The following DHX38 variants were observed in gnomAD, a reference collection of about 807,000 sequenced individuals.
DHX38 encodes the protein pre-mRNA-splicing factor ATP-dependent RNA helicase PRP16.
A neutral mutation model predicts 153.1 loss-of-function variants in DHX38; 100 were observed. The observed-to-expected ratio is 0.65, with a 90% CI of 0.56 to 0.77. The LOEUF is 0.77. Ranked by LOEUF, DHX38 falls within the 30% of genes least tolerant of loss-of-function variation. DHX38 has a pLI of 0.00. For synonymous variants in DHX38, 650 were observed against 631.7 expected, an observed-to-expected ratio of 1.03 and a Z score of -0.43; for missense variants, 1,440 against 1,654.0, an observed-to-expected ratio of 0.87 and a Z score of 2.24.
At chr16:72,105,448 T>G in intron 17 of DHX38, 69 bp from the exon 18 acceptor site, 1 of 1,602,328 alleles carries the variant, frequency 6.2e-7, no homozygotes, top group Non-Finnish European at 8.5e-7. Flanking sequence ...GGAGGTAGGC[T>G]TTTCCCCCTC....
At chr16:72,110,275 T>C (rs9302635) in intron 25 of DHX38, among the ~76,000 whole-genome samples, 46,081 of 152,252 alleles carry the variant, frequency 0.3, 10,841 homozygotes, top group African/African-American at 0.66. Context: ...GTGCACTTGC[T>C]GTAAGCTGGC....
At chr16:72,100,893 C>T (rs1016903632) in intron 9 of DHX38, among the ~76,000 whole-genome samples, 193 bp from the exon 10 acceptor site, 19 of 152,108 alleles carry the variant, frequency 1.2e-4, no homozygotes, top group African/African-American at 2.2e-4. Context: ...CACCACTGCA[C>T]TCCAGTCTGG....
chr16:72,100,710 C>T, intron 9 of DHX38, 113 bp downstream of exon 9: 2 of 1,433,326 alleles, frequency 1.4e-6, no homozygotes, highest in Non-Finnish European at 1.9e-6. Context: ...GAGGGTGGAT[C>T]ATTGGATACC....
rs781584993 is a variant in DHX38, at chr16:72,112,570, C to T, written c.*73C>T. ...CCTTCTGGCGGGAGCCCTGAGGCTG[C>T]GGACAAAGCCCTTTCATCTGAGGAC... On this transcript the variant is annotated 3_prime_UTR_variant, in exon 27 of 27. Coordinates refer to ENST00000268482, the MANE Select transcript of DHX38 (RefSeq NM_014003.4). The T allele has an allele frequency of 3.9e-5, 59 of 1,502,152 alleles. No homozygotes were observed. The highest frequency in any genetic ancestry group is 4.5e-5 in the Non-Finnish European group (49 of 1,089,940). 93.1% of individuals were successfully genotyped at this position (1,502,152 alleles called of 1,614,324 possible). A position where few individuals can be genotyped will look rare whatever the true frequency, so the allele number is the denominator to read the frequency against.
At chr16:72,103,261 T>C in intron 12 of DHX38, 50 bp downstream of exon 12, 2 of 1,591,334 alleles carry the variant, frequency 1.3e-6, no homozygotes, top group East Asian at 4.5e-5. Flanking sequence ...GGGGTGCCCT[T>C]GGTCTCCCAT....
In DHX38 at chr16:72,104,996, C is replaced by T. The variant is rs1416566481; in HGVS notation, c.2152-31C>T. ...TGCCCGGCCTGCGCTTCTAGTACCTCCCTCTGACTGTGTCCCCACTGCTGT... is the reference window on the plus strand; with the variant it reads ...TGCCCGGCCTGCGCTTCTAGTACCTTCCTCTGACTGTGTCCCCACTGCTGT... On this transcript the variant is annotated intron_variant, in intron 15 of 26. Transcript: ENST00000268482. The surrounding 1 kb of genome is among the most constrained non-coding windows in gnomAD (Gnocchi z 4.5). 3.7e-6 allele frequency: 6 copies of T among 1,605,706 alleles called. No homozygotes were observed. The South Asian group carries it at 5.5e-5, about 15-fold the overall frequency.
chr16:72,097,530 A>G (rs2042037870), intron 3 of DHX38, 147 bp from the exon 4 acceptor site: 2 of 659,340 alleles, frequency 3.0e-6, no homozygotes, highest in East Asian at 5.6e-5. Context: ...GAATGGGGAT[A>G]GGTGAGTTTC....
chr16:72,112,694 C>T lies in DHX38; in HGVS notation c.*197C>T, dbSNP rs920463335. ...TCTTCCATGCAGGAGCACGGCATGGCGGGAGCGGGGCTGCAGAGTATCCGA... is the reference window on the plus strand; with the variant it reads ...TCTTCCATGCAGGAGCACGGCATGGTGGGAGCGGGGCTGCAGAGTATCCGA... On this transcript the variant is annotated 3_prime_UTR_variant, in exon 27 of 27. Transcript: ENST00000268482. The T allele has an allele frequency of 1.8e-5, 13 of 720,556 alleles. No homozygotes were observed. The highest frequency in any genetic ancestry group is 3.2e-5 in the Non-Finnish European group (13 of 401,318). 44.6% of individuals were successfully genotyped at this position (720,556 alleles called of 1,614,324 possible). A position where few individuals can be genotyped will look rare whatever the true frequency, so the allele number is the denominator to read the frequency against.
At chr16:72,106,837 A>T (rs1597446833) in intron 19 of DHX38, among the ~76,000 whole-genome samples, 1 of 152,106 alleles carries the variant, frequency 6.6e-6, no homozygotes, top group Non-Finnish European at 1.5e-5. Flanking sequence ...AGAAAATAAA[A>T]CCCAGCCATG....
At chr16:72,094,487 C>G (rs987333853) in intron 1 of DHX38, 3 of 152,242 alleles carry the variant, frequency 2.0e-5, no homozygotes, top group African/African-American at 7.2e-5. Flanking sequence ...TTCTCTGTTG[C>G]TATCGCCGAG....
At position 72,096,907 on chromosome 16, in the gene DHX38, C is replaced by T. The variant is rs200501313; in HGVS notation, c.409C>T (p.Arg137Trp). ...EFWERSRQRE[R>W]ERREHGVYAS... ...TTGGGAACGCAGTCGGCAGAGAGAG[C>T]GGGAGCGGCGGGAACATGGTGTCTA... The change falls in exon 3 of 27, where the codon CGG (arginine) becomes TGG (tryptophan). Residue 137 changes from arginine to tryptophan, a missense_variant. Physicochemically the swap from Arg to Trp is moderately radical, Grantham distance 101. Coordinates refer to ENST00000268482, the MANE Select transcript of DHX38 (RefSeq NM_014003.4). 9.0e-5 allele frequency: 146 copies of T among 1,613,922 alleles called. No homozygotes were observed. The highest frequency in any genetic ancestry group is 6.7e-5 in the East Asian group (3 of 44,882).
intron 3 of DHX38, chr16:72,097,277 A>G: frequency 4.8e-6 from 2 of 416,458 alleles, no homozygotes; most frequent in Non-Finnish European, 8.6e-6. Flanking sequence ...AAATATGTAT[A>G]AGAGACCAGC....
chr16:72,101,447 A>G (rs2042099406), intron 10 of DHX38, 53 bp from the exon 11 acceptor site: 2 of 1,511,226 alleles, frequency 1.3e-6, no homozygotes, highest in Non-Finnish European at 1.8e-6. Flanking sequence ...TTGATTTTCC[A>G]TTGCTCGCAG....
Position 72,101,068 on chromosome 16 carries a change from T to C in DHX38, c.1279-18T>C, listed in dbSNP as rs768714300. 1.1e-5 allele frequency: 18 copies of C among 1,613,218 alleles called. No individual in the cohort carries two copies. Among genetic ancestry groups the C allele is most frequent in the Non-Finnish European group, 1.5e-5 (18 of 1,179,188 alleles). On this transcript the variant is annotated intron_variant, in intron 9 of 26. Coordinates refer to ENST00000268482, the MANE Select transcript of DHX38 (RefSeq NM_014003.4). ...TGCTGATTTTAACGGGCATCGCTCTTTCTCCCCACTGCTGCAGCCGGAGCC... is the reference window on the plus strand; with the variant it reads ...TGCTGATTTTAACGGGCATCGCTCTCTCTCCCCACTGCTGCAGCCGGAGCC...
chr16:72,109,682 TTTGG>T, intron 25 of DHX38, 172 bp downstream of exon 25: 1 of 543,056 alleles, frequency 1.8e-6, no homozygotes, highest in Non-Finnish European at 3.0e-6. Context: ...ACTCCAGTTG[TTTGG>T]TAGGCTGAGC....
At chr16:72,100,790 G>A (rs1336588492) in intron 9 of DHX38, among the ~76,000 whole-genome samples, 193 bp downstream of exon 9, 1 of 152,188 alleles carries the variant, frequency 6.6e-6, no homozygotes, top group Non-Finnish European at 1.5e-5. Context: ...AGCCGGGTGT[G>A]GTGGCAGGCA....
At chr16:72,112,372 G>A in intron 26 of DHX38, 41 bp from the exon 27 acceptor site, 1 of 1,594,498 alleles carries the variant, frequency 6.3e-7, no homozygotes, top group Non-Finnish European at 8.5e-7. Context: ...GGCTGTGGGT[G>A]AGGGCACGGT....
At chr16:72,094,373 G>T (rs2041975060) in intron 1 of DHX38, 1 of 152,248 alleles carries the variant, frequency 6.6e-6, no homozygotes, top group African/African-American at 2.4e-5. Flanking sequence ...AGGACTCCTT[G>T]TGTCTTCCTC....
chr16:72,098,580 A>G, intron 4 of DHX38, 65 bp from the exon 5 acceptor site: 2 of 1,568,302 alleles, frequency 1.3e-6, no homozygotes, highest in Non-Finnish European at 8.7e-7. Flanking sequence ...ACTTTTGGCA[A>G]CTGGTTCTAG....
Sources: gnomAD v4.1 joint callset for allele counts (sites outside exome capture counted in the v4.1 genomes callset) on GRCh38, gnomAD v4.1.1 for gene constraint, Gnocchi (gnomAD v3.1) non-coding constraint, MANE v1.5 for transcripts, NCBI Gene and HGNC (gene_info 2026-07-23, HGNC 2026-07-21) for gene names.